Variants in ATP1A1 observed in about 807,000 individuals in gnomAD.
The protein encoded by ATP1A1 is ATPase Na+/K+ transporting subunit alpha 1, also known as sodium/potassium-transporting ATPase subunit alpha-1.
A neutral mutation model predicts 114.8 loss-of-function variants in ATP1A1; 14 were observed. That is an observed-to-expected ratio of 0.12 (90% CI 0.08 to 0.19). ATP1A1 has a LOEUF of 0.19. Ranked by LOEUF, ATP1A1 falls within the 10% of genes least tolerant of loss-of-function variation. The pLI is 1.00. For missense variants in ATP1A1, 524 were observed against 1,290.7 expected (o/e 0.41, Z 9.10); for synonymous variants, 471 against 466.3 (o/e 1.01, Z -0.13).
At position 116,389,861 on chromosome 1, in the gene ATP1A1, C is replaced by T; in HGVS notation, c.1023+154C>T. 1 of 1,172,918 alleles carries T rather than the reference C, an allele frequency of 8.5e-7. No individual in the cohort carries two copies. The allele number at this position is 1,172,918 out of a possible 1,614,324, so 72.7% of individuals were successfully genotyped here. A position where few individuals can be genotyped will look rare whatever the true frequency, so the allele number is the denominator to read the frequency against. On this transcript the variant is annotated intron_variant, in intron 8 of 22. Coordinates refer to ENST00000295598, the MANE Select transcript of ATP1A1 (RefSeq NM_000701.8). The surrounding 1 kb of genome is among the most constrained non-coding windows in gnomAD (Gnocchi z 6.9). ...AGCCACATCACGTGGTGAATTTTGA[C>T]AGTGAGAAAACCTCAGCATTTGTTT...
In ATP1A1 at chr1:116,391,036, G is replaced by A. The variant is rs1652429000; in HGVS notation, c.1332+145G>A. On this transcript the variant is annotated intron_variant, in intron 10 of 22. Coordinates refer to ENST00000295598, the MANE Select transcript of ATP1A1 (RefSeq NM_000701.8). The stretch of plus-strand genomic sequence containing the variant: ...AGTGGTCTGTGCAGTACTTTGCTGT[G>A]TGTAACTTACATTGTGTTGCCTGTA... 3 of 630,672 alleles carry A rather than the reference G, an allele frequency of 4.8e-6. No individual in the cohort carries two copies. In the South Asian group the frequency reaches 6.4e-5, roughly 13 times the overall value. The allele number at this position is 630,672 out of a possible 1,614,324, so 39.1% of individuals were successfully genotyped here.
At chr1:116,396,513 AG>A in intron 13 of ATP1A1, 84 bp from the exon 14 acceptor site, 7 of 1,498,052 alleles carry the variant, frequency 4.7e-6, no homozygotes, top group Non-Finnish European at 6.4e-6. Flanking sequence ...AATCATCCTT[AG>A]TATTTACTCT....
chr1:116,387,518 T>TA lies in ATP1A1; in HGVS notation c.387+27_387+28insA. On this transcript the variant is annotated intron_variant, in intron 4 of 22. Transcript: ENST00000295598. This position sits in a 1 kb window ranked among gnomAD's most constrained non-coding sequence, Gnocchi z 6.7. ...TGAGTTCTGTAATTCAGCATATGGATTTGTAGTACACATCAGATATCTTCT... is the reference window on the plus strand; with the variant it reads ...TGAGTTCTGTAATTCAGCATATGGATATTGTAGTACACATCAGATATCTTCT... 5 of 1,609,756 alleles carry TA rather than the reference T, an allele frequency of 3.1e-6. No individual in the cohort carries two copies. Among genetic ancestry groups the TA allele is most frequent in the Non-Finnish European group, 4.3e-6 (5 of 1,176,238 alleles).
At position 116,388,141 on chromosome 1, in the gene ATP1A1, G is replaced by A; in HGVS notation, c.398G>A (p.Gly133Asp). ...TCTTTTCCCTTCCAGCTGTACCTGG[G>A]TGTGGTGCTATCAGCCGTTGTAATC... ...EEPQNDNLYLGVVLSAVVIIT... is the reference protein window; with the variant it reads ...EEPQNDNLYLDVVLSAVVIIT... The change falls in exon 5 of 23, where the codon GGT (glycine) becomes GAT (aspartate). Residue 133 changes from glycine to aspartate, a missense_variant. Gly to Asp is a moderately conservative substitution (Grantham distance 94). This residue lies in a region of ATP1A1 where 141 missense variants were observed against 316.6 expected (regional missense o/e 0.45). Coordinates refer to ENST00000295598, the MANE Select transcript of ATP1A1 (RefSeq NM_000701.8). This position sits in a 1 kb window ranked among gnomAD's most constrained non-coding sequence, Gnocchi z 5.6. 1 of 1,613,172 alleles carries A rather than the reference G, an allele frequency of 6.2e-7. No homozygotes were observed. The highest frequency in any genetic ancestry group is 8.5e-7 in the Non-Finnish European group (1 of 1,179,310).
At chr1:116,383,347 G>A in intron 1 of ATP1A1, 1 of 1,058,972 alleles carries the variant, frequency 9.4e-7, no homozygotes. Context: ...GTTCTTATGT[G>A]AGCACTAAAG....
In ATP1A1 at chr1:116,396,737, A is replaced by G. The variant is rs572892609; in HGVS notation, c.1973+3A>G. 2.4e-5 allele frequency: 37 copies of G among 1,568,102 alleles called. No individual in the cohort carries two copies. The East Asian group carries it at 7.6e-4, about 32-fold the overall frequency. Reference sequence around the variant, plus strand: ...CCAGTCAGCCAGGTGAACCCCAGGTAAGGCAGGAAGCTCAAATCACAGTCT... The same window carrying G: ...CCAGTCAGCCAGGTGAACCCCAGGTGAGGCAGGAAGCTCAAATCACAGTCT... On this transcript the variant is annotated splice_donor_region_variant and intron_variant, in intron 14 of 22. Coordinates refer to ENST00000295598, the MANE Select transcript of ATP1A1 (RefSeq NM_000701.8).
intron 1 of ATP1A1, among the ~76,000 whole-genome samples, chr1:116,376,160 G>T (rs1336332518): frequency 6.6e-6 from 1 of 152,150 alleles, no homozygotes; most frequent in Non-Finnish European, 1.5e-5. Context: ...AGGAGGGGGG[G>T]TCTCACCAGG....
Position 116,404,606 on chromosome 1 carries a change from T to C in ATP1A1, c.*162T>C. Reference sequence around the variant, plus strand: ...CGTCCTGGAATGAAGCATGTAGCTCTATGGGGGGAGGGGGGAGGGCTGCCT... The same window carrying C: ...CGTCCTGGAATGAAGCATGTAGCTCCATGGGGGGAGGGGGGAGGGCTGCCT... On this transcript the variant is annotated 3_prime_UTR_variant, in exon 23 of 23. Transcript: ENST00000295598. The surrounding 1 kb of genome is among the most constrained non-coding windows in gnomAD (Gnocchi z 4.8). 1 of 911,372 alleles carries C rather than the reference T, an allele frequency of 1.1e-6. No individual in the cohort carries two copies. The highest frequency in any genetic ancestry group is 1.4e-6 in the Non-Finnish European group (1 of 694,560). 56.5% of individuals were successfully genotyped at this position (911,372 alleles called of 1,614,324 possible). A position where few individuals can be genotyped will look rare whatever the true frequency, so the allele number is the denominator to read the frequency against.
chr1:116,394,839 T>G (rs1652774594), intron 12 of ATP1A1, among the ~76,000 whole-genome samples: 1 of 152,212 alleles, frequency 6.6e-6, no homozygotes, highest in African/African-American at 2.4e-5. Context: ...AAAATTAGTG[T>G]TATCAATTCA....
rs1486422935 is a variant in ATP1A1, at chr1:116,374,093, TCTC to T, written c.12+573_12+575del. 2.4e-5 allele frequency: 34 copies of T among 1,446,156 alleles called. No homozygotes were observed. The Admixed American group carries it at 8.2e-4, about 35-fold the overall frequency. The allele number at this position is 1,446,156 out of a possible 1,614,324, so 89.6% of individuals were successfully genotyped here. A position where few individuals can be genotyped will look rare whatever the true frequency, so the allele number is the denominator to read the frequency against. ...GGCAGCCTCCGGGTTCGGGGCTCCT[TCTC>T]CTGGGGACGCTGGGGCTTAGCTTGC... On this transcript the variant is annotated intron_variant, in intron 1 of 22. Transcript: ENST00000295598.
At chr1:116,378,604 G>A (rs967907424) in intron 1 of ATP1A1, among the ~76,000 whole-genome samples, 4 of 152,134 alleles carry the variant, frequency 2.6e-5, no homozygotes, top group Admixed American at 1.3e-4. Context: ...ATCCTCTTGT[G>A]TGTTTCTTTT....
intron 1 of ATP1A1, 137 bp downstream of exon 1, chr1:116,373,660 C>A: frequency 9.5e-7 from 1 of 1,054,148 alleles, no homozygotes. Flanking sequence ...GGCAGAGCCG[C>A]GCGGCTTAAA....
intron 21 of ATP1A1, 96 bp from the exon 22 acceptor site, chr1:116,403,788 C>A: frequency 1.9e-6 from 2 of 1,076,900 alleles, no homozygotes; most frequent in South Asian, 1.5e-5. Flanking sequence ...TCCTTTCAGG[C>A]TGATTATTTC....
At position 116,393,874 on chromosome 1, in the gene ATP1A1, GC is replaced by G. The variant is rs1413364554; in HGVS notation, c.1660+156del. 5.0e-6 allele frequency: 4 copies of G among 799,134 alleles called. No homozygotes were observed. In the African/African-American group the frequency reaches 5.2e-5, roughly 10 times the overall value. The allele number at this position is 799,134 out of a possible 1,614,324, so 49.5% of individuals were successfully genotyped here. On this transcript the variant is annotated intron_variant, in intron 12 of 22. Transcript: ENST00000295598. The surrounding 1 kb of genome is among the most constrained non-coding windows in gnomAD (Gnocchi z 5.0). The stretch of plus-strand genomic sequence containing the variant: ...GGGCAATCCTCCTATTTGTTTATTT[GC>G]CCCCTATTATTTTGAAAACAATAAG...
chr1:116,404,111 C>A lies in ATP1A1; in HGVS notation c.3043+136C>A. On this transcript the variant is annotated intron_variant, in intron 22 of 22. Coordinates refer to ENST00000295598, the MANE Select transcript of ATP1A1 (RefSeq NM_000701.8). The surrounding 1 kb of genome is among the most constrained non-coding windows in gnomAD (Gnocchi z 4.8). ...TAGCTAAGGTGACTGGACCAGCAAA[C>A]TGACCATAGTCACATCTTCAGAATG... is the stretch of plus-strand genomic sequence containing the variant. 1 of 836,092 alleles carries A rather than the reference C, an allele frequency of 1.2e-6. No individual in the cohort carries two copies. The allele number at this position is 836,092 out of a possible 1,614,324, so 51.8% of individuals were successfully genotyped here.
At chr1:116,400,823 T>A (rs1483256774) in intron 18 of ATP1A1, 38 bp from the exon 19 acceptor site, 10 of 1,602,382 alleles carry the variant, frequency 6.2e-6, no homozygotes, top group Admixed American at 1.7e-5. Flanking sequence ...TACCCTTGTG[T>A]GTGAGGTTCT....
In ATP1A1 at chr1:116,388,269, A is replaced by G; in HGVS notation, c.501+25A>G. The G allele has an allele frequency of 6.5e-7, 1 of 1,548,704 alleles. No individual in the cohort carries two copies. The highest frequency in any genetic ancestry group is 8.9e-7 in the Non-Finnish European group (1 of 1,120,962). ...GGTACCAGACGCTTTGTCCTTCCCC[A>G]GTGGATGACTTGACAGCCCCAAGCA... On this transcript the variant is annotated intron_variant, in intron 5 of 22. Coordinates refer to ENST00000295598, the MANE Select transcript of ATP1A1 (RefSeq NM_000701.8). This position sits in a 1 kb window ranked among gnomAD's most constrained non-coding sequence, Gnocchi z 5.6.
chr1:116,382,928 T>G (rs1651838869), intron 1 of ATP1A1, among the ~76,000 whole-genome samples: 1 of 152,176 alleles, frequency 6.6e-6, no homozygotes, highest in Non-Finnish European at 1.5e-5. Context: ...TTTTTGGCCT[T>G]AAGTTGTAGT....
At chr1:116,390,510 T>C in intron 9 of ATP1A1, 99 bp downstream of exon 9, 1 of 1,194,304 alleles carries the variant, frequency 8.4e-7, no homozygotes, top group Non-Finnish European at 1.2e-6. Context: ...TTTTTTAAGC[T>C]CATGGCAGCT....
Sources: gnomAD v4.1 joint callset for allele counts (sites outside exome capture counted in the v4.1 genomes callset) on GRCh38, gnomAD v4.1.1 for gene constraint, gnomAD v4.1.1 regional missense constraint, Gnocchi (gnomAD v3.1) non-coding constraint, MANE v1.5 for transcripts, NCBI Gene and HGNC (gene_info 2026-07-23, HGNC 2026-07-21) for gene names.